TCN2: variants seen among roughly 807,000 people sequenced by gnomAD.
The protein encoded by TCN2 is transcobalamin-2.
A neutral mutation model predicts 48.6 loss-of-function variants in TCN2; 34 were observed. That is an observed-to-expected ratio of 0.70 (90% CI 0.53 to 0.93). The LOEUF (loss-of-function observed/expected upper bound fraction) is 0.93. Among genes scored for constraint, TCN2 ranks in the 40% least tolerant of loss-of-function variants. TCN2 has a pLI of 0.00. For missense variants in TCN2, 652 were observed against 526.1 expected, an observed-to-expected ratio of 1.24 and a Z score of -2.34; for synonymous variants, 283 against 212.5, an observed-to-expected ratio of 1.33 and a Z score of -2.89.
At chr22:30,621,456 C>T (rs1027082905) in intron 7 of TCN2, among the ~76,000 whole-genome samples, 1 of 135,062 alleles carries the variant, frequency 7.4e-6, no homozygotes. Context: ...TCTCCCAGAA[C>T]CTGCTCATTT....
intron 4 of TCN2, 80 bp from the exon 5 acceptor site, chr22:30,615,221 A>G (rs1173400173): frequency 1.3e-6 from 2 of 1,491,500 alleles, no homozygotes; most frequent in Non-Finnish European, 1.9e-6. Context: ...CATAGCTACA[A>G]GGGCCTGACC....
At chr22:30,612,643 G>A (rs2087558827) in intron 2 of TCN2, among the ~76,000 whole-genome samples, 1 of 152,176 alleles carries the variant, frequency 6.6e-6, no homozygotes, top group Admixed American at 6.5e-5. Flanking sequence ...CAGATGATCT[G>A]GACACAGGAG....
At chr22:30,607,786 C>T (rs1455316188) in intron 1 of TCN2, among the ~76,000 whole-genome samples, 1 of 152,076 alleles carries the variant, frequency 6.6e-6, no homozygotes, top group Non-Finnish European at 1.5e-5. Flanking sequence ...TTTTGGAAGG[C>T]TGAGGCGGGA....
intron 1 of TCN2, chr22:30,610,211 C>T (rs1302545135): frequency 2.1e-6 from 1 of 471,180 alleles, no homozygotes; most frequent in Non-Finnish European, 4.4e-6. Flanking sequence ...ATCTCACAAT[C>T]TCAGGTCCTC....
In TCN2 at chr22:30,615,775, C is replaced by G; in HGVS notation, c.928C>G (p.Leu310Val). 11 of 1,614,228 alleles carry G rather than the reference C, an allele frequency of 6.8e-6. No individual in the cohort carries two copies. Among genetic ancestry groups the G allele is most frequent in the Non-Finnish European group, 9.3e-6 (11 of 1,180,040 alleles). Reference sequence around the variant, plus strand: ...CATTGATCTGATCTTCCCAGACTGTCTGGCACCACGAGGTAGCCCAACTTT... The same window carrying G: ...CATTGATCTGATCTTCCCAGACTGTGTGGCACCACGAGGTAGCCCAACTTT... ...TYIDLIFPDCLAPRVMLEPAA... is the reference protein window; with the variant it reads ...TYIDLIFPDCVAPRVMLEPAA... The change falls in exon 6 of 9, where the codon CTG becomes GTG. Residue 310 changes from leucine to valine, a missense_variant. Leu to Val is a conservative substitution (Grantham distance 32, BLOSUM62 1). Transcript: ENST00000215838.
chr22:30,608,644 C>T (rs1025828300), intron 1 of TCN2, among the ~76,000 whole-genome samples: 5 of 152,012 alleles, frequency 3.3e-5, no homozygotes, highest in African/African-American at 1.2e-4. Context: ...CTTGCGTCGG[C>T]CTCCCAAATT....
intron 7 of TCN2, among the ~76,000 whole-genome samples, chr22:30,618,113 ATTT>A (rs60134354): frequency 4.8e-4 from 60 of 124,246 alleles, no homozygotes; most frequent in East Asian, 6.8e-4. Flanking sequence ...ACCCTGGGTA[ATTT>A]TTTTTTTTTT....
chr22:30,614,751 A>G (rs551877377), intron 4 of TCN2, among the ~76,000 whole-genome samples: 1 of 151,990 alleles, frequency 6.6e-6, no homozygotes, highest in South Asian at 2.1e-4. Context: ...TCTACTAAAA[A>G]TAAAAAAGTT....
intron 7 of TCN2, among the ~76,000 whole-genome samples, chr22:30,618,567 T>A (rs181969233): frequency 6.6e-6 from 1 of 152,270 alleles, no homozygotes; most frequent in East Asian, 1.9e-4. Context: ...GGCCAGCTGG[T>A]TTCTAACTCC....
intron 7 of TCN2, among the ~76,000 whole-genome samples, chr22:30,619,250 T>A (rs550364628): frequency 5.9e-5 from 9 of 152,298 alleles, no homozygotes; most frequent in African/African-American, 1.4e-4. Flanking sequence ...AATATTTTTT[T>A]AAAATTTTTT....
In TCN2 at chr22:30,626,663, C is replaced by A; in HGVS notation, c.*142C>A. 1.1e-6 allele frequency: 1 copy of A among 903,042 alleles called. No individual in the cohort carries two copies. The highest frequency in any genetic ancestry group is 1.8e-6 in the Non-Finnish European group (1 of 560,686). The allele number at this position is 903,042 out of a possible 1,614,324, so 55.9% of individuals were successfully genotyped here. ...GCAATGCCCCCTGGGATCACCCCAG[C>A]CACAAGCCCTTCGAGGGCCCTATAC... On this transcript the variant is annotated 3_prime_UTR_variant, in exon 9 of 9. Transcript: ENST00000215838.
rs2087758589 is a variant in TCN2 at position 30,623,965 on chromosome 22, C to CACATATATATGTATACATATAT, written c.1222+885_1222+886insTATATATGTATACATATATACA. The stretch of plus-strand genomic sequence containing the variant: ...ACACACACATATGTATACATATATA[C>CACATATATATGTATACATATAT]ACACACATATATATGTATACATATA... On this transcript the variant is annotated intron_variant, in intron 8 of 8. Transcript: ENST00000215838. Among the ~76,000 whole-genome samples, 3 of 18,552 alleles carry CACATATATATGTATACATATAT rather than the reference C, an allele frequency of 1.6e-4. 1 individual carries two copies. Among genetic ancestry groups the CACATATATATGTATACATATAT allele is most frequent in the Admixed American group, 1.3e-3 (2 of 1,524 alleles). 12.2% of individuals were successfully genotyped at this position (18,552 alleles called of 152,430 possible).
At chr22:30,626,090 G>A (rs939239034) in intron 8 of TCN2, among the ~76,000 whole-genome samples, 3 of 152,038 alleles carry the variant, frequency 2.0e-5, no homozygotes, top group Non-Finnish European at 2.9e-5. Context: ...GAATCCAGGC[G>A]TCCTCCTAGA....
chr22:30,619,012 T>C (rs34978834), intron 7 of TCN2, among the ~76,000 whole-genome samples: 20,468 of 152,142 alleles, frequency 0.13, 1,675 homozygotes, highest in Non-Finnish European at 0.19. Context: ...TCAAGTGATA[T>C]GTCTGCCTCA....
intron 8 of TCN2, 80 bp downstream of exon 8, chr22:30,623,163 CT>C: frequency 7.2e-7 from 1 of 1,396,274 alleles, no homozygotes; most frequent in Non-Finnish European, 1.0e-6. Flanking sequence ...CTCACCCCAG[CT>C]TTCCCTAGCA....
chr22:30,623,106 G>A (rs2087722456), intron 8 of TCN2, 23 bp downstream of exon 8: 1 of 1,610,868 alleles, frequency 6.2e-7, no homozygotes, highest in Non-Finnish European at 8.5e-7. Context: ...CTGACACTCT[G>A]GATGTGTCCC....
intron 6 of TCN2, among the ~76,000 whole-genome samples, chr22:30,616,508 G>T (rs917688167): frequency 7.0e-6 from 1 of 143,102 alleles, no homozygotes; most frequent in Non-Finnish European, 1.5e-5. Context: ...AAAAAAAATG[G>T]AGAAGAAGGA....
chr22:30,613,312 T>C (rs2087568210), intron 3 of TCN2, among the ~76,000 whole-genome samples: 1 of 152,158 alleles, frequency 6.6e-6, no homozygotes, highest in Non-Finnish European at 1.5e-5. Flanking sequence ...GGAGGTTTGC[T>C]CTTGCTGCCC....
chr22:30,612,021 G>T (rs1387653837), intron 2 of TCN2, among the ~76,000 whole-genome samples: 2 of 152,078 alleles, frequency 1.3e-5, no homozygotes. Context: ...AAGATTGCTT[G>T]AGCTCAGGAG....
Sources: allele counts gnomAD v4.1 joint callset (sites outside exome capture counted in the v4.1 genomes callset), GRCh38; gene constraint gnomAD v4.1.1; transcripts MANE v1.5; gene names NCBI Gene and HGNC (gene_info 2026-07-23, HGNC 2026-07-21).